PKIB: variants seen among roughly 807,000 people sequenced by gnomAD.
PKIB encodes cAMP-dependent protein kinase inhibitor beta, also known as PKI-beta.
In PKIB, 2 loss-of-function variants were observed where a neutral mutation model predicts 4.5. The observed-to-expected ratio is 0.44, with a 90% CI of 0.18 to 1.39. The LOEUF (loss-of-function observed/expected upper bound fraction) is 1.39, where lower values mean the gene tolerates loss of function less well. Ranked by LOEUF, PKIB falls within the 40% of genes most tolerant of loss-of-function variation. PKIB has a pLI of 0.27. For missense variants in PKIB, 94 were observed against 92.6 expected (o/e 1.02, Z -0.06); for synonymous variants, 38 against 36.0 (o/e 1.06, Z -0.20).
chr6:122,608,928 A>G (rs1323166228), upstream of PKIB, among the ~76,000 whole-genome samples: 1 of 152,128 alleles, frequency 6.6e-6, no homozygotes, highest in Non-Finnish European at 1.5e-5. Flanking sequence ...TCTAAAATAA[A>G]TAAACCTTAG....
chr6:122,593,224 CT>C (rs1403656724), intron 3 of PKIB, among the ~76,000 whole-genome samples: 1 of 152,122 alleles, frequency 6.6e-6, no homozygotes, highest in Non-Finnish European at 1.5e-5. Flanking sequence ...TGTACCTGTG[CT>C]TTTTAACTTT....
rs1013406622 is a variant in PKIB, at chr6:122,512,399, G to A, written c.-248+34460G>A. ...GATATTGGAAATTGGTGACTATACA[G>A]ACCAAATCTGGTCTACAGATAGTGT... On this transcript the variant is annotated intron_variant, in intron 2 of 6. Coordinates refer to the PKIB transcript ENST00000392491. 3.3e-5 allele frequency among the ~76,000 whole-genome samples: 5 copies of A among 152,140 alleles called. No homozygotes were observed. The East Asian group carries it at 9.7e-4, about 29-fold the overall frequency.
chr6:122,542,923 G>A (rs575519308), intron 2 of PKIB, among the ~76,000 whole-genome samples: 37 of 151,902 alleles, frequency 2.4e-4, no homozygotes, highest in Non-Finnish European at 4.0e-4. Flanking sequence ...AATGGCAGGC[G>A]CCCCTCCCCC....
At chr6:122,547,962 C>T (rs1416923334) in intron 2 of PKIB, among the ~76,000 whole-genome samples, 1 of 152,158 alleles carries the variant, frequency 6.6e-6, no homozygotes. Flanking sequence ...ATATACCTTA[C>T]ACTCCAAACG....
intron 2 of PKIB, among the ~76,000 whole-genome samples, chr6:122,535,552 A>C (rs1777379619): frequency 6.6e-6 from 1 of 152,072 alleles, no homozygotes; most frequent in South Asian, 2.1e-4. Context: ...AAATCTAAAA[A>C]CCTTCCAGCA....
chr6:122,547,643 A>G (rs1772536059), intron 2 of PKIB, among the ~76,000 whole-genome samples: 2 of 152,072 alleles, frequency 1.3e-5, no homozygotes, highest in Admixed American at 1.3e-4. Flanking sequence ...CGGCCTATTC[A>G]GCAGCTTTCT....
At chr6:122,664,654 C>G (rs1479737296) in intron 2 of PKIB, among the ~76,000 whole-genome samples, 2 of 152,156 alleles carry the variant, frequency 1.3e-5, no homozygotes, top group Non-Finnish European at 2.9e-5. Context: ...CCTCAGCCTC[C>G]CAAGTGCTGG....
At chr6:122,623,839 T>A (rs1775332059) in intron 1 of PKIB, among the ~76,000 whole-genome samples, 1 of 151,884 alleles carries the variant, frequency 6.6e-6, no homozygotes, top group African/African-American at 2.4e-5. Flanking sequence ...AAGAGTGATT[T>A]TTTTTTTTAC....
At chr6:122,548,985 A>T (rs1176538418) in intron 2 of PKIB, among the ~76,000 whole-genome samples, 1 of 152,192 alleles carries the variant, frequency 6.6e-6, no homozygotes, top group East Asian at 1.9e-4. Context: ...GGTTCTGATA[A>T]CACACAACAG....
At chr6:122,494,889 A>G (rs1776034736) in intron 2 of PKIB, among the ~76,000 whole-genome samples, 1 of 152,222 alleles carries the variant, frequency 6.6e-6, no homozygotes, top group Non-Finnish European at 1.5e-5. Context: ...TGGGCATGGG[A>G]GAACCTCCCT....
intron 2 of PKIB, among the ~76,000 whole-genome samples, chr6:122,490,081 T>C (rs1233558574): frequency 1.3e-5 from 2 of 152,354 alleles, no homozygotes; most frequent in East Asian, 1.9e-4. Context: ...TGCAAACTTA[T>C]GAAAGCTTCT....
chr6:122,636,264 A>G (rs1489535717), intron 2 of PKIB, among the ~76,000 whole-genome samples: 1 of 152,112 alleles, frequency 6.6e-6, no homozygotes, highest in African/African-American at 2.4e-5. Flanking sequence ...TATAATTATT[A>G]GAAAAAATGT....
At chr6:122,595,234 A>G (rs1443991276) in intron 3 of PKIB, among the ~76,000 whole-genome samples, 2 of 152,332 alleles carry the variant, frequency 1.3e-5, no homozygotes, top group South Asian at 2.1e-4. Flanking sequence ...TTCAGAGCAT[A>G]CATGGCTTTC....
At chr6:122,686,728 A>T (rs1778106658) in intron 3 of PKIB, among the ~76,000 whole-genome samples, 1 of 152,070 alleles carries the variant, frequency 6.6e-6, no homozygotes, top group Admixed American at 6.5e-5. Context: ...TGCAGAAGTG[A>T]TTCTCCTGCC....
intron 2 of PKIB, among the ~76,000 whole-genome samples, chr6:122,523,264 C>G (rs197694): frequency 2.5e-4 from 38 of 151,986 alleles, no homozygotes; most frequent in Admixed American, 2.5e-3. Flanking sequence ...TTGTTTTGTC[C>G]TTCATTCTGT....
intron 3 of PKIB, among the ~76,000 whole-genome samples, chr6:122,678,890 G>A (rs1582804383): frequency 6.6e-6 from 1 of 152,276 alleles, no homozygotes; most frequent in African/African-American, 2.4e-5. Context: ...GTGTATCTAA[G>A]TCTTAATAAA....
At chr6:122,475,003 T>C (rs1414955121) in intron 1 of PKIB, among the ~76,000 whole-genome samples, 1 of 152,198 alleles carries the variant, frequency 6.6e-6, no homozygotes, top group Non-Finnish European at 1.5e-5. Flanking sequence ...AAATATAGAT[T>C]TGTCAGTTAT....
intron 2 of PKIB, among the ~76,000 whole-genome samples, chr6:122,574,043 C>T (rs555298932): frequency 6.6e-6 from 1 of 152,302 alleles, no homozygotes. Flanking sequence ...ATCCAAAAAG[C>T]TCCTGCATTT....
At chr6:122,697,394 T>C (rs897548605) in intron 3 of PKIB, among the ~76,000 whole-genome samples, 1 of 151,936 alleles carries the variant, frequency 6.6e-6, no homozygotes, top group Non-Finnish European at 1.5e-5. Flanking sequence ...GTTTAAATCT[T>C]GATGATAACT....
Sources: allele counts gnomAD v4.1 joint callset (sites outside exome capture counted in the v4.1 genomes callset), GRCh38; gene constraint gnomAD v4.1.1; transcripts MANE v1.5; gene names NCBI Gene and HGNC (gene_info 2026-07-23, HGNC 2026-07-21).